The following SRBD1 variants were observed in gnomAD, a reference collection of about 807,000 sequenced individuals.
SRBD1 encodes the protein S1 RNA-binding domain-containing protein 1.
SRBD1 carries 88 observed loss-of-function variants against 115.3 expected under a neutral mutation model. The observed-to-expected ratio is 0.76, with a 90% CI of 0.64 to 0.91. The LOEUF is 0.91. Among genes scored for constraint, SRBD1 ranks in the 40% least tolerant of loss-of-function variants. SRBD1 has a pLI of 0.00. For synonymous variants in SRBD1, 509 were observed against 407.7 expected, an observed-to-expected ratio of 1.25 and a Z score of -2.99; for missense variants, 1,385 against 1,177.4, an observed-to-expected ratio of 1.18 and a Z score of -2.58.
At chr2:45,511,150 AT>A (rs1670955527) in intron 14 of SRBD1, among the ~76,000 whole-genome samples, 1 of 152,214 alleles carries the variant, frequency 6.6e-6, no homozygotes, top group Admixed American at 6.5e-5. Flanking sequence ...CTCCAGGAAA[AT>A]AAAATCTACC....
chr2:45,542,787 A>G (rs1671988761), intron 14 of SRBD1, among the ~76,000 whole-genome samples: 1 of 152,230 alleles, frequency 6.6e-6, no homozygotes, highest in African/African-American at 2.4e-5. Context: ...GCAAAAAACT[A>G]GCAACAACTC....
intron 9 of SRBD1, chr2:45,569,103 G>A (rs1459714641): frequency 1.4e-5 from 2 of 145,664 alleles, no homozygotes; most frequent in African/African-American, 5.5e-5. Context: ...ATACTTGTGG[G>A]ATAATTCACA....
At chr2:45,601,821 G>C in intron 3 of SRBD1, 82 bp downstream of exon 3, 1 of 1,541,614 alleles carries the variant, frequency 6.5e-7, no homozygotes, top group Non-Finnish European at 8.8e-7. Context: ...TACATGCCTT[G>C]TCCTACTCTG....
At chr2:45,419,654 A>T in intron 17 of SRBD1, 134 bp downstream of exon 17, 1 of 666,592 alleles carries the variant, frequency 1.5e-6, no homozygotes, top group South Asian at 1.8e-5. Flanking sequence ...CTGATTACTT[A>T]AAGCAATGTA....
intron 16 of SRBD1, among the ~76,000 whole-genome samples, chr2:45,452,475 G>A (rs921411395): frequency 2.0e-5 from 3 of 151,804 alleles, no homozygotes; most frequent in Non-Finnish European, 4.4e-5. Flanking sequence ...CTCAGTACAC[G>A]TCTTTAACCT....
At chr2:45,516,571 T>A (rs527441025) in intron 14 of SRBD1, among the ~76,000 whole-genome samples, 1 of 152,312 alleles carries the variant, frequency 6.6e-6, no homozygotes, top group South Asian at 2.1e-4. Context: ...TTGTTACCCC[T>A]TGAAGGAAGT....
At chr2:45,608,701 C>A (rs1199759066) in intron 1 of SRBD1, among the ~76,000 whole-genome samples, 1 of 152,176 alleles carries the variant, frequency 6.6e-6, no homozygotes, top group Non-Finnish European at 1.5e-5. Flanking sequence ...GTTAACTTAA[C>A]ACATCCACAA....
At chr2:45,409,500 G>A (rs537530898) in intron 19 of SRBD1, among the ~76,000 whole-genome samples, 5 of 136,836 alleles carry the variant, frequency 3.7e-5, no homozygotes, top group Admixed American at 7.9e-5. Context: ...TGAAGGTCCC[G>A]GCCATTGCAA....
At chr2:45,400,884 T>C (rs868006717) in intron 19 of SRBD1, among the ~76,000 whole-genome samples, 1 of 152,108 alleles carries the variant, frequency 6.6e-6, no homozygotes, top group African/African-American at 2.4e-5. Context: ...GACATTTCAC[T>C]GCCTCCAGAC....
At chr2:45,574,765 T>C (rs761760971) in intron 7 of SRBD1, 42 bp from the exon 8 acceptor site, 2 of 1,508,804 alleles carry the variant, frequency 1.3e-6, no homozygotes, top group East Asian at 4.5e-5. Flanking sequence ...ACAAAAAGTA[T>C]ACGATTGGTT....
intron 16 of SRBD1, among the ~76,000 whole-genome samples, chr2:45,460,977 C>T (rs1391700125): frequency 2.0e-5 from 3 of 152,124 alleles, no homozygotes; most frequent in South Asian, 2.1e-4. Flanking sequence ...TCATGATGAC[C>T]GAATAACAAC....
intron 10 of SRBD1, 28 bp downstream of exon 10, chr2:45,562,625 A>G: frequency 6.6e-7 from 1 of 1,520,148 alleles, no homozygotes; most frequent in Non-Finnish European, 8.9e-7. Context: ...AGAAACAAAG[A>G]AAATTCTGTA....
chr2:45,578,359 C>T (rs926807355), intron 7 of SRBD1, among the ~76,000 whole-genome samples: 4 of 152,094 alleles, frequency 2.6e-5, no homozygotes, highest in Non-Finnish European at 5.9e-5. Context: ...ACTATAAATA[C>T]ACATTAAAAA....
intron 14 of SRBD1, among the ~76,000 whole-genome samples, chr2:45,524,344 T>A (rs1046422646): frequency 6.6e-6 from 1 of 152,008 alleles, no homozygotes; most frequent in Non-Finnish European, 1.5e-5. Context: ...ATACCCATAG[T>A]AGAAAGGAAG....
Position 45,505,178 on chromosome 2 carries a change from A to T in SRBD1, c.1875-16847T>A, listed in dbSNP as rs140912182. On this transcript the variant is annotated intron_variant, in intron 14 of 20. Transcript: ENST00000263736. ...TTCCTGAGAAAGGAAAAAATCAGTT[A>T]TATCTGTCTTCATCTTGTCTGAAAA... 2.0e-3 allele frequency among the ~76,000 whole-genome samples: 311 copies of T among 152,264 alleles called. 2 individuals carry two copies. The highest frequency in any genetic ancestry group is 7.3e-3 in the African/African-American group (304 of 41,566).
chr2:45,598,470 C>T (rs534296881), intron 4 of SRBD1, among the ~76,000 whole-genome samples: 4 of 151,980 alleles, frequency 2.6e-5, no homozygotes, highest in East Asian at 3.9e-4. Flanking sequence ...AAAAATTAGC[C>T]GGGCGTGGTG....
intron 16 of SRBD1, among the ~76,000 whole-genome samples, chr2:45,454,376 T>C (rs1174793725): frequency 2.6e-5 from 4 of 151,888 alleles, no homozygotes; most frequent in African/African-American, 9.7e-5. Flanking sequence ...TTATTCCCTT[T>C]GTGAGTAGAA....
At chr2:45,587,403 C>T (rs1180092573) in intron 4 of SRBD1, among the ~76,000 whole-genome samples, 1 of 151,382 alleles carries the variant, frequency 6.6e-6, no homozygotes, top group Non-Finnish European at 1.5e-5. Context: ...AAAGTCAGCC[C>T]GGAAAAGAGA....
rs1366322385 is a variant in SRBD1, at chr2:45,418,536, A to G, written c.2162T>C (p.Ile721Thr). Reference protein sequence around the residue: ...NICSEVLLRHIAGLNANRAKN... With the variant: ...NICSEVLLRHTAGLNANRAKN... ...GGCCCTGTTGGCATTGAGTCCTGCAATATGCCTAGAAAAAAAAAATAAGCA... is the reference window on the plus strand; with the variant it reads ...GGCCCTGTTGGCATTGAGTCCTGCAGTATGCCTAGAAAAAAAAAATAAGCA... Residue 721 changes from isoleucine to threonine, a missense_variant, in exon 18 of 21, where the codon ATT (isoleucine) becomes ACT (threonine). Coordinates refer to ENST00000263736, the MANE Select transcript of SRBD1 (RefSeq NM_018079.5). 1.9e-6 allele frequency: 3 copies of G among 1,599,286 alleles called. No homozygotes were observed. The highest frequency in any genetic ancestry group is 1.8e-5 in the Admixed American group (1 of 55,222).
Sources: gnomAD v4.1 joint callset for allele counts (sites outside exome capture counted in the v4.1 genomes callset) on GRCh38, gnomAD v4.1.1 for gene constraint, MANE v1.5 for transcripts, NCBI Gene and HGNC (gene_info 2026-07-23, HGNC 2026-07-21) for gene names.